The following AP4E1 variants were observed in gnomAD, a reference collection of about 807,000 sequenced individuals.
The protein encoded by AP4E1 is adaptor related protein complex 4 subunit epsilon 1, also known as AP-4 complex subunit epsilon-1.
In AP4E1, 56 loss-of-function variants were observed where a neutral mutation model predicts 128.2. That is an observed-to-expected ratio of 0.44 (90% CI 0.35 to 0.55). The LOEUF (loss-of-function observed/expected upper bound fraction) is 0.55. Among genes scored for constraint, AP4E1 ranks in the 20% least tolerant of loss-of-function variants. The pLI, the probability that AP4E1 is intolerant of heterozygous loss-of-function variation, is 0.00. For missense variants in AP4E1, 1,324 were observed against 1,307.7 expected (o/e 1.01, Z -0.19); for synonymous variants, 484 against 473.1 (o/e 1.02, Z -0.30).
rs763340584 is a variant in AP4E1 at position 50,931,006 on chromosome 15, C to T, written c.869+35C>T. ...TTTCAGTAAGTTTGCTTAATGACCC[C>T]CATACCAGATGATAAGCTTAGACTT... On this transcript the variant is annotated intron_variant, in intron 7 of 20. Coordinates refer to ENST00000261842, the MANE Select transcript of AP4E1 (RefSeq NM_007347.5). 2.5e-6 allele frequency: 4 copies of T among 1,610,920 alleles called. No individual in the cohort carries two copies. The Admixed American group carries it at 5.0e-5, about 20-fold the overall frequency.
intron 15 of AP4E1, among the ~76,000 whole-genome samples, chr15:50,971,379 T>G (rs2140898204): frequency 6.6e-6 from 1 of 152,340 alleles, no homozygotes; most frequent in East Asian, 1.9e-4. Context: ...TTCAAAATTC[T>G]TTGTCTTTGA....
At chr15:50,990,193 A>G (rs1046329777) in intron 16 of AP4E1, among the ~76,000 whole-genome samples, 1 of 152,064 alleles carries the variant, frequency 6.6e-6, no homozygotes, top group Non-Finnish European at 1.5e-5. Context: ...CATGTATTAT[A>G]TAATAGTATT....
intron 6 of AP4E1, 29 bp downstream of exon 6, chr15:50,929,197 G>A (rs959223532): frequency 1.3e-5 from 21 of 1,601,510 alleles, no homozygotes; most frequent in Non-Finnish European, 1.6e-5. Flanking sequence ...CAAGTACTGA[G>A]TAGTTACCAT....
intron 15 of AP4E1, 89 bp downstream of exon 15, chr15:50,968,466 A>G (rs2064427207): frequency 3.1e-6 from 3 of 970,448 alleles, no homozygotes; most frequent in Admixed American, 4.2e-5. Flanking sequence ...AAAGATATTT[A>G]CTTTCTATTA....
intron 7 of AP4E1, among the ~76,000 whole-genome samples, chr15:50,933,005 A>G (rs1002630923): frequency 5.3e-5 from 8 of 152,232 alleles, no homozygotes; most frequent in East Asian, 1.9e-4. Flanking sequence ...ACTTACTGCC[A>G]TCCATTGTTA....
intron 16 of AP4E1, among the ~76,000 whole-genome samples, chr15:50,985,786 C>A (rs1406001055): frequency 1.3e-5 from 2 of 152,122 alleles, no homozygotes; most frequent in Non-Finnish European, 2.9e-5. Context: ...ATTGACTTGG[C>A]AATGCGGGCT....
Position 50,940,713 on chromosome 15 carries a change from C to T in AP4E1, c.944-729C>T, listed in dbSNP as rs181478284. ...ATGGCAAAGCTCCAACCGCATGACT[C>T]ATGCTTTTTCAAATAATTTGAAAAA... On this transcript the variant is annotated intron_variant, in intron 8 of 20. Coordinates refer to ENST00000261842, the MANE Select transcript of AP4E1 (RefSeq NM_007347.5). Among the ~76,000 whole-genome samples the T allele has an allele frequency of 6.6e-5, 10 of 152,268 alleles. No individual in the cohort carries two copies. The East Asian group carries it at 1.9e-3, about 29-fold the overall frequency.
At chr15:50,988,388 C>G (rs1269877726) in intron 16 of AP4E1, among the ~76,000 whole-genome samples, 1 of 123,490 alleles carries the variant, frequency 8.1e-6, no homozygotes, top group Non-Finnish European at 1.9e-5. Context: ...GATCTCGATT[C>G]ACTGCAACCT....
chr15:50,913,784 GT>G (rs763278655), intron 2 of AP4E1, among the ~76,000 whole-genome samples: 4 of 152,120 alleles, frequency 2.6e-5, no homozygotes, highest in Non-Finnish European at 5.9e-5. Flanking sequence ...TTTATCTTTT[GT>G]TTGTTTTCTC....
At chr15:50,932,570 C>G (rs2063849244) in intron 7 of AP4E1, among the ~76,000 whole-genome samples, 2 of 152,210 alleles carry the variant, frequency 1.3e-5, no homozygotes, top group South Asian at 4.1e-4. Context: ...AAAATGTTTG[C>G]TAATCAGTGT....
At chr15:50,948,261 C>T in intron 11 of AP4E1, 102 bp downstream of exon 11, 1 of 1,401,130 alleles carries the variant, frequency 7.1e-7, no homozygotes. Flanking sequence ...GTTCAGAGAC[C>T]TAGCAATACT....
At chr15:50,922,589 G>A (rs1327081356) in intron 3 of AP4E1, among the ~76,000 whole-genome samples, 3 of 152,150 alleles carry the variant, frequency 2.0e-5, no homozygotes, top group Non-Finnish European at 4.4e-5. Context: ...AATCCCTGAT[G>A]AAAAGGCTGA....
chr15:50,926,974 A>G (rs1490489800), intron 5 of AP4E1, among the ~76,000 whole-genome samples: 1 of 152,248 alleles, frequency 6.6e-6, no homozygotes, highest in Non-Finnish European at 1.5e-5. Context: ...ATAACTTCAT[A>G]GGTCTTTCAG....
intron 5 of AP4E1, among the ~76,000 whole-genome samples, chr15:50,925,437 G>A (rs1318984903): frequency 6.6e-6 from 1 of 152,156 alleles, no homozygotes; most frequent in African/African-American, 2.4e-5. Flanking sequence ...GTGAGGCCTA[G>A]TATCCAGGAA....
intron 15 of AP4E1, among the ~76,000 whole-genome samples, chr15:50,970,555 C>CAT (rs1456327819): frequency 3.3e-5 from 5 of 152,166 alleles, no homozygotes; most frequent in African/African-American, 4.8e-5. Flanking sequence ...GTGTTGGGTA[C>CAT]ATATATATTT....
At chr15:50,956,996 T>A (rs1033649000) in intron 13 of AP4E1, among the ~76,000 whole-genome samples, 19 of 152,118 alleles carry the variant, frequency 1.2e-4, no homozygotes, top group African/African-American at 4.1e-4. Context: ...CAAAACTCTG[T>A]ATGGGCCCCA....
intron 15 of AP4E1, among the ~76,000 whole-genome samples, chr15:50,979,381 C>T (rs8034236): frequency 0.67 from 101,439 of 151,730 alleles, 34,355 homozygotes; most frequent in African/African-American, 0.79. Flanking sequence ...TGGGTTGTTA[C>T]AAGAGTGAGT....
At chr15:50,918,846 G>A (rs1275256496) in intron 3 of AP4E1, among the ~76,000 whole-genome samples, 2 of 152,078 alleles carry the variant, frequency 1.3e-5, no homozygotes, top group Non-Finnish European at 1.5e-5. Flanking sequence ...TTTATTGGGT[G>A]GATGTACCAT....
chr15:50,946,817 G>A (rs1439158013), intron 10 of AP4E1, among the ~76,000 whole-genome samples: 2 of 152,124 alleles, frequency 1.3e-5, no homozygotes, highest in Admixed American at 1.3e-4. Flanking sequence ...GCTTACTCTG[G>A]TATTGGTTTT....
Sources: allele counts gnomAD v4.1 joint callset (sites outside exome capture counted in the v4.1 genomes callset), GRCh38; gene constraint gnomAD v4.1.1; transcripts MANE v1.5; gene names NCBI Gene and HGNC (gene_info 2026-07-23, HGNC 2026-07-21).